Variants in SLC18B1 observed in about 807,000 individuals in gnomAD.
SLC18B1 encodes solute carrier family 18 member B1.
In SLC18B1, 62 loss-of-function variants were observed where a neutral mutation model predicts 53.9. The ratio of observed to expected loss-of-function variants is 1.15; its 90% CI spans 0.94 to 1.42. The LOEUF is 1.42. Ranked by LOEUF, SLC18B1 falls within the 40% of genes most tolerant of loss-of-function variation. The pLI, the probability that SLC18B1 is intolerant of heterozygous loss-of-function variation, is 0.00. For missense variants in SLC18B1, 598 were observed against 547.3 expected (o/e 1.09, Z -0.93); for synonymous variants, 217 against 200.9 (o/e 1.08, Z -0.68).
At chr6:132,781,263 C>T (rs191051898) in intron 6 of SLC18B1, among the ~76,000 whole-genome samples, 1 of 151,762 alleles carries the variant, frequency 6.6e-6, no homozygotes, top group Non-Finnish European at 1.5e-5. Flanking sequence ...TATAATTAAG[C>T]TGTTGAAGAC....
chr6:132,791,906 A>G (rs1381910509), intron 2 of SLC18B1, among the ~76,000 whole-genome samples: 1 of 152,122 alleles, frequency 6.6e-6, no homozygotes, highest in Non-Finnish European at 1.5e-5. Flanking sequence ...AAAAGAAAGT[A>G]TTGTGAAAGG....
intron 2 of SLC18B1, among the ~76,000 whole-genome samples, chr6:132,794,443 G>A (rs1781622421): frequency 1.3e-5 from 2 of 152,052 alleles, no homozygotes; most frequent in African/African-American, 4.8e-5. Context: ...TCCCAAGTCT[G>A]GCCAGACTGC....
intron 7 of SLC18B1, among the ~76,000 whole-genome samples, chr6:132,777,783 G>T (rs1294312634): frequency 6.6e-6 from 1 of 152,148 alleles, no homozygotes; most frequent in Non-Finnish European, 1.5e-5. Flanking sequence ...ATAGATTTTT[G>T]TTGTTGTTGT....
At chr6:132,776,301 A>T in intron 8 of SLC18B1, 27 bp downstream of exon 8, 1 of 1,553,538 alleles carries the variant, frequency 6.4e-7, no homozygotes, top group Non-Finnish European at 8.9e-7. Flanking sequence ...TACAAAAGTG[A>T]CTCAAATATA....
Position 132,773,003 on chromosome 6 carries a change from T to G in SLC18B1, c.1075A>C (p.Ser359Arg). The change falls in exon 10 of 14, where the codon AGT (serine) becomes CGT (arginine). Residue 359 changes from serine to arginine, a missense_variant. Transcript: ENST00000275227. ...ATGGAAGTAACTTACTGTGCACAACTGAGAATTTCCGGGAAAGTTGGAATT... is the reference window on the plus strand; with the variant it reads ...ATGGAAGTAACTTACTGTGCACAACGGAGAATTTCCGGGAAAGTTGGAATT... ...SIIPTFPEIL[S>R]CAHENGFEEG... is the part of the protein sequence containing the mutation. The G allele has an allele frequency of 6.2e-7, 1 of 1,612,994 alleles. No individual in the cohort carries two copies. Among genetic ancestry groups the G allele is most frequent in the Non-Finnish European group, 8.5e-7 (1 of 1,179,078 alleles).
chr6:132,772,606 C>G (rs1781004859), intron 10 of SLC18B1, among the ~76,000 whole-genome samples: 1 of 152,138 alleles, frequency 6.6e-6, no homozygotes, highest in African/African-American at 2.4e-5. Context: ...ACTTAGTGTT[C>G]TTCATCATCA....
At chr6:132,786,929 C>T (rs573292526) in intron 5 of SLC18B1, among the ~76,000 whole-genome samples, 2 of 152,212 alleles carry the variant, frequency 1.3e-5, no homozygotes, top group South Asian at 4.2e-4. Context: ...ATTTTTATGT[C>T]AAAATGCAAA....
At chr6:132,797,717 C>G (rs1238395404) in intron 1 of SLC18B1, among the ~76,000 whole-genome samples, 1 of 152,204 alleles carries the variant, frequency 6.6e-6, no homozygotes, top group African/African-American at 2.4e-5. Flanking sequence ...AATCATTCAG[C>G]TGGTGAATTA....
intron 11 of SLC18B1, 115 bp from the exon 12 acceptor site, chr6:132,771,244 A>T: frequency 1.1e-6 from 1 of 912,056 alleles, no homozygotes; most frequent in Non-Finnish European, 1.7e-6. Flanking sequence ...GATAAGTACT[A>T]AAGATAAAGC....
At position 132,788,530 on chromosome 6, in the gene SLC18B1, T is replaced by C. The variant is rs1428818271; in HGVS notation, c.354-949A>G. ...GTACTAAATAAACCTTTTTAGAATA[T>C]GTAGAATCAGCCGAGTGTGGTGGCT... On this transcript the variant is annotated intron_variant, in intron 4 of 13. Coordinates refer to ENST00000275227, the MANE Select transcript of SLC18B1 (RefSeq NM_052831.3). Among the ~76,000 whole-genome samples, 3 of 152,096 alleles carry C rather than the reference T, an allele frequency of 2.0e-5. No individual in the cohort carries two copies. In the South Asian group the frequency reaches 6.2e-4, roughly 32 times the overall value.
intron 7 of SLC18B1, 85 bp from the exon 8 acceptor site, chr6:132,776,514 C>A: frequency 1.1e-6 from 1 of 899,214 alleles, no homozygotes. Flanking sequence ...ATTTCTTTAG[C>A]TCTTATTACC....
chr6:132,790,384 G>T, intron 2 of SLC18B1, 112 bp from the exon 3 acceptor site: 1 of 630,134 alleles, frequency 1.6e-6, no homozygotes, highest in Non-Finnish European at 2.5e-6. Context: ...CTGTATATCA[G>T]TTTCAAAAAG....
chr6:132,797,230 A>G lies in SLC18B1; in HGVS notation c.44-109T>C, dbSNP rs1781718314. 16 of 1,342,042 alleles carry G rather than the reference A, an allele frequency of 1.2e-5. No individual in the cohort carries two copies. In the South Asian group the frequency reaches 2.0e-4, roughly 17 times the overall value. The allele number at this position is 1,342,042 out of a possible 1,614,324, so 83.1% of individuals were successfully genotyped here. ...TGCACTCTGAAGATATCATTTGCTA[A>G]GCTTAGGGCTATTTTGAATATAGCA... On this transcript the variant is annotated intron_variant, in intron 1 of 13. Transcript: ENST00000275227.
intron 7 of SLC18B1, among the ~76,000 whole-genome samples, chr6:132,777,194 T>C (rs890870198): frequency 2.6e-5 from 4 of 151,890 alleles, no homozygotes; most frequent in African/African-American, 7.3e-5. Context: ...TGAGCCAAGA[T>C]CATGCCACTA....
intron 10 of SLC18B1, 48 bp from the exon 11 acceptor site, chr6:132,772,254 G>T: frequency 7.9e-7 from 1 of 1,261,366 alleles, no homozygotes; most frequent in Non-Finnish European, 1.1e-6. Context: ...GAAAACCTGT[G>T]TGAAAGAAAA....
chr6:132,791,375 G>A (rs1781521521), intron 2 of SLC18B1, among the ~76,000 whole-genome samples: 1 of 152,104 alleles, frequency 6.6e-6, no homozygotes, highest in Non-Finnish European at 1.5e-5. Flanking sequence ...AACCATGATT[G>A]CCTTTCTTTA....
intron 8 of SLC18B1, among the ~76,000 whole-genome samples, chr6:132,774,746 T>TA (rs1195474054): frequency 2.0e-5 from 3 of 151,810 alleles, no homozygotes; most frequent in Admixed American, 1.3e-4. Context: ...CTGTCTCTAT[T>TA]AAAAAAATAC....
rs1582867905 is a variant in SLC18B1, at chr6:132,787,464, C to G, written c.471G>C (p.Lys157Asn). The change falls in exon 5 of 14, where the codon AAG (lysine) becomes AAC (asparagine). Residue 157 changes from lysine (K) to asparagine (N), a missense_variant. Physicochemically the swap from Lys to Asn is moderately conservative, Grantham distance 94. Coordinates refer to ENST00000275227, the MANE Select transcript of SLC18B1 (RefSeq NM_052831.3). Reference sequence around the variant, plus strand: ...CCGTAGCCACGTTATTTGGAAAAGCCTTTGCCAGGATAGAAGAAGATGCAG... The same window carrying G: ...CCGTAGCCACGTTATTTGGAAAAGCGTTTGCCAGGATAGAAGAAGATGCAG... ...AMTASSSILAKAFPNNVATVL... is the reference protein window; with the variant it reads ...AMTASSSILANAFPNNVATVL... The G allele has an allele frequency of 9.4e-6, 15 of 1,601,814 alleles. No homozygotes were observed. The highest frequency in any genetic ancestry group is 1.3e-5 in the Non-Finnish European group (15 of 1,176,392).
At chr6:132,785,102 GCTCT>G (rs373229738) in intron 5 of SLC18B1, among the ~76,000 whole-genome samples, 13 of 147,106 alleles carry the variant, frequency 8.8e-5, no homozygotes, top group African/African-American at 3.3e-4. Context: ...TTGTTCTCGT[GCTCT>G]CTCTCTCTCT....
Sources: allele counts gnomAD v4.1 joint callset (sites outside exome capture counted in the v4.1 genomes callset), GRCh38; gene constraint gnomAD v4.1.1; transcripts MANE v1.5; gene names NCBI Gene and HGNC (gene_info 2026-07-23, HGNC 2026-07-21).